NUBPL: variants seen among roughly 807,000 people sequenced by gnomAD.
The protein encoded by NUBPL is NUBP iron-sulfur cluster assembly factor, mitochondrial, also known as iron-sulfur cluster transfer protein NUBPL.
A neutral mutation model predicts 45.7 loss-of-function variants in NUBPL; 31 were observed. The observed-to-expected ratio is 0.68, with a 90% CI of 0.51 to 0.92. The LOEUF is 0.92. Ranked by LOEUF, NUBPL falls within the 40% of genes least tolerant of loss-of-function variation. The pLI is 0.00. For synonymous variants in NUBPL, 144 were observed against 140.9 expected (o/e 1.02, Z -0.15); for missense variants, 401 against 398.7 (o/e 1.01, Z -0.05).
chr14:31,625,735 C>T (rs1307620038), intron 4 of NUBPL, among the ~76,000 whole-genome samples: 1 of 152,068 alleles, frequency 6.6e-6, no homozygotes, highest in Non-Finnish European at 1.5e-5. Context: ...CTCAGCCTCC[C>T]AAAGTGCTGA....
chr14:31,666,471 G>T (rs1303300385), intron 4 of NUBPL, among the ~76,000 whole-genome samples: 2 of 151,252 alleles, frequency 1.3e-5, no homozygotes, highest in African/African-American at 4.9e-5. Flanking sequence ...GACCATATTG[G>T]TCAGGCTGGT....
At chr14:31,590,942 T>C (rs2034125637) in intron 3 of NUBPL, among the ~76,000 whole-genome samples, 1 of 152,216 alleles carries the variant, frequency 6.6e-6, no homozygotes, top group Non-Finnish European at 1.5e-5. Flanking sequence ...AGGTGTTTTA[T>C]TCCTGATTTA....
Position 31,763,098 on chromosome 14 carries a change from T to C in NUBPL, c.514-24682T>C, listed in dbSNP as rs116672344. Among the ~76,000 whole-genome samples the C allele has an allele frequency of 3.1e-3, 467 of 152,244 alleles. 2 individuals carry two copies. The highest frequency in any genetic ancestry group is 0.011 in the African/African-American group (448 of 41,556). On this transcript the variant is annotated intron_variant, in intron 6 of 10. Transcript: ENST00000281081. The stretch of plus-strand genomic sequence containing the variant: ...ATATGCCTCTATTTCTTTTGGAGGA[T>C]GATGGGAGTGGAAGAGGAACAGTGG...
At chr14:31,774,544 C>T (rs536896680) in intron 6 of NUBPL, among the ~76,000 whole-genome samples, 24 of 152,238 alleles carry the variant, frequency 1.6e-4, no homozygotes, top group African/African-American at 5.8e-4. Flanking sequence ...AGTTCTTTTC[C>T]TATTCATAAC....
intron 9 of NUBPL, 160 bp from the exon 10 acceptor site, chr14:31,849,959 C>T (rs2040512043): frequency 4.6e-6 from 3 of 656,420 alleles, no homozygotes; most frequent in Non-Finnish European, 8.2e-6. Context: ...GTTTGTAATT[C>T]CCATTTGAAA....
intron 4 of NUBPL, among the ~76,000 whole-genome samples, chr14:31,666,439 A>C (rs2036429957): frequency 1.3e-5 from 2 of 151,150 alleles, no homozygotes; most frequent in Admixed American, 6.6e-5. Context: ...TAATTTTTAT[A>C]TTCTTAGTAG....
intron 3 of NUBPL, among the ~76,000 whole-genome samples, chr14:31,589,231 G>A (rs1374683933): frequency 1.3e-5 from 2 of 151,922 alleles, no homozygotes; most frequent in African/African-American, 4.8e-5. Context: ...TAATTATGGT[G>A]CCTTGATAAT....
chr14:31,587,856 C>T (rs1300582215), intron 3 of NUBPL, among the ~76,000 whole-genome samples: 2 of 152,232 alleles, frequency 1.3e-5, no homozygotes, highest in African/African-American at 2.4e-5. Flanking sequence ...AATAAGTGCA[C>T]ATTAAGGATC....
chr14:31,773,018 C>G (rs560032898), intron 6 of NUBPL, among the ~76,000 whole-genome samples: 52 of 152,220 alleles, frequency 3.4e-4, no homozygotes, highest in African/African-American at 1.2e-3. Context: ...ACTGGGTCAG[C>G]TCTTACCTGA....
At chr14:31,774,832 C>T (rs529846392) in intron 6 of NUBPL, among the ~76,000 whole-genome samples, 49 of 152,278 alleles carry the variant, frequency 3.2e-4, no homozygotes, top group African/African-American at 1.2e-3. Flanking sequence ...CTCTCCCCTC[C>T]ATAGAGGTTG....
intron 3 of NUBPL, among the ~76,000 whole-genome samples, chr14:31,592,819 G>A (rs1456804798): frequency 3.9e-5 from 6 of 152,026 alleles, no homozygotes; most frequent in Non-Finnish European, 8.8e-5. Flanking sequence ...AGCCCGGACC[G>A]AATGAATCAG....
At position 31,732,820 on chromosome 14, in the gene NUBPL, C is replaced by T. The variant is rs1172521608; in HGVS notation, c.514-54960C>T. 5.9e-5 allele frequency among the ~76,000 whole-genome samples: 9 copies of T among 152,134 alleles called. No individual in the cohort carries two copies. The East Asian group carries it at 1.7e-3, about 29-fold the overall frequency. ...AGAGACAGAGTTTCACCATGTTGGC[C>T]AGGCTGGTCTCGAACTCCTGACCTC... On this transcript the variant is annotated intron_variant, in intron 6 of 10. Coordinates refer to ENST00000281081, the MANE Select transcript of NUBPL (RefSeq NM_025152.3).
intron 6 of NUBPL, among the ~76,000 whole-genome samples, chr14:31,693,852 C>CTTTTTTTTTTT (rs138873656): frequency 3.0e-5 from 2 of 66,572 alleles, no homozygotes; most frequent in African/African-American, 9.0e-5. Context: ...ATTTTCTTTT[C>CTTTTTTTTTTT]TTTTCTTTTT....
intron 6 of NUBPL, among the ~76,000 whole-genome samples, chr14:31,704,303 A>G (rs2037399944): frequency 6.6e-6 from 1 of 152,142 alleles, no homozygotes; most frequent in African/African-American, 2.4e-5. Context: ...CCTCTTGGGT[A>G]TTGAGAGAAC....
At chr14:31,690,088 C>G (rs1220206816) in intron 6 of NUBPL, among the ~76,000 whole-genome samples, 2 of 132,616 alleles carry the variant, frequency 1.5e-5, no homozygotes, top group South Asian at 5.4e-4. Context: ...TTGACTCATT[C>G]TGGAAAAAAA....
chr14:31,570,287 TTTAA>T (rs1028574803), intron 3 of NUBPL, among the ~76,000 whole-genome samples: 13 of 152,336 alleles, frequency 8.5e-5, no homozygotes, highest in African/African-American at 2.2e-4. Flanking sequence ...TGTGAGAAAG[TTTAA>T]TTAAAGCAAC....
At chr14:31,706,750 G>A (rs562424964) in intron 6 of NUBPL, among the ~76,000 whole-genome samples, 1 of 152,302 alleles carries the variant, frequency 6.6e-6, no homozygotes, top group Non-Finnish European at 1.5e-5. Context: ...ATCACTTCCT[G>A]CAAATTGTCT....
intron 3 of NUBPL, among the ~76,000 whole-genome samples, chr14:31,581,553 A>G (rs1447969583): frequency 6.6e-6 from 1 of 152,216 alleles, no homozygotes; most frequent in Non-Finnish European, 1.5e-5. Context: ...TGTAGCATAT[A>G]TTCAAATTTC....
chr14:31,769,532 G>T (rs2138756971), intron 6 of NUBPL, among the ~76,000 whole-genome samples: 1 of 152,084 alleles, frequency 6.6e-6, no homozygotes, highest in East Asian at 1.9e-4. Flanking sequence ...AAATTTAAAT[G>T]AGGTTTTACA....
Sources: allele counts gnomAD v4.1 joint callset (sites outside exome capture counted in the v4.1 genomes callset), GRCh38; gene constraint gnomAD v4.1.1; transcripts MANE v1.5; gene names NCBI Gene and HGNC (gene_info 2026-07-23, HGNC 2026-07-21).